Variants in DUS2 observed in about 807,000 individuals in gnomAD.
The protein encoded by DUS2 is dihydrouridine synthase 2, also known as tRNA-dihydrouridine(20) synthase [NAD(P)+]-like.
In DUS2, 52 loss-of-function variants were observed where a neutral mutation model predicts 71.3. The observed-to-expected ratio is 0.73, with a 90% CI of 0.58 to 0.92. The LOEUF is 0.92. Among genes scored for constraint, DUS2 ranks in the 40% least tolerant of loss-of-function variants. The pLI, the probability that DUS2 is intolerant of heterozygous loss-of-function variation, is 0.00. For missense variants in DUS2, 558 were observed against 622.6 expected (o/e 0.90, Z 1.10); for synonymous variants, 204 against 227.8 (o/e 0.90, Z 0.94).
intron 2 of DUS2, among the ~76,000 whole-genome samples, chr16:68,031,740 G>GCTCCAGC (rs1253141887): frequency 6.6e-6 from 1 of 151,994 alleles, no homozygotes; most frequent in Non-Finnish European, 1.5e-5. Context: ...TGTTGCCCAG[G>GCTCCAGC]CTGGAGGGCA....
In DUS2 at chr16:68,056,413, T is replaced by C; in HGVS notation, c.358T>C (p.Tyr120His). 1 of 1,613,444 alleles carries C rather than the reference T, an allele frequency of 6.2e-7. No individual in the cohort carries two copies. Among genetic ancestry groups the C allele is most frequent in the South Asian group, 1.1e-5 (1 of 90,994 alleles). The change falls in exon 7 of 17, where the codon TAT (tyrosine) becomes CAT (histidine). Residue 120 changes from tyrosine (Y) to histidine (H), a missense_variant. Tyr to His is a moderately conservative substitution (Grantham distance 83). Coordinates refer to ENST00000565263, the MANE Select transcript of DUS2 (RefSeq NM_017803.5). ...IDVNMGCPKQYSTKGGMGAAL... is the reference protein window; with the variant it reads ...IDVNMGCPKQHSTKGGMGAAL... ...TGTCAACATGGGCTGTCCAAAACAA[T>C]ATTCCACCAAGGTAAACTGGTTTCT...
chr16:68,050,481 C>T (rs760411990), intron 4 of DUS2, among the ~76,000 whole-genome samples: 5 of 151,962 alleles, frequency 3.3e-5, no homozygotes, highest in Non-Finnish European at 7.4e-5. Flanking sequence ...ATAAAAAATT[C>T]AATATTATAG....
intron 4 of DUS2, 96 bp from the exon 5 acceptor site, chr16:68,053,468 A>G: frequency 8.7e-7 from 1 of 1,148,196 alleles, no homozygotes; most frequent in Non-Finnish European, 1.3e-6. Context: ...TTTCCCCTTG[A>G]AGCTTATACT....
At chr16:68,032,126 A>G (rs1431069568) in intron 2 of DUS2, among the ~76,000 whole-genome samples, 1 of 152,206 alleles carries the variant, frequency 6.6e-6, no homozygotes, top group Non-Finnish European at 1.5e-5. Context: ...TGGTTGTGGC[A>G]GTAACTGGGA....
chr16:68,070,914 C>A (rs759082478), intron 11 of DUS2, 26 bp from the exon 12 acceptor site: 48 of 1,612,834 alleles, frequency 3.0e-5, no homozygotes, highest in Middle Eastern at 1.6e-4. Flanking sequence ...GATGGGGACA[C>A]CCCTAACCCT....
chr16:68,029,582 G>A (rs1229381722), intron 2 of DUS2, among the ~76,000 whole-genome samples: 5 of 151,916 alleles, frequency 3.3e-5, no homozygotes, highest in Non-Finnish European at 2.9e-5. Context: ...AAGTAGGTGG[G>A]ATAACAGGCC....
intron 7 of DUS2, among the ~76,000 whole-genome samples, chr16:68,058,619 A>G (rs2033895103): frequency 6.6e-6 from 1 of 152,172 alleles, no homozygotes. Context: ...GGTATATACC[A>G]TTTATATAAG....
chr16:68,042,382 G>T (rs1257764295), intron 3 of DUS2, among the ~76,000 whole-genome samples: 2 of 152,156 alleles, frequency 1.3e-5, no homozygotes, highest in Non-Finnish European at 2.9e-5. Context: ...TATATATCCG[G>T]AAGTGGGATT....
At chr16:68,029,121 C>T (rs1361548932) in intron 2 of DUS2, among the ~76,000 whole-genome samples, 9 of 151,368 alleles carry the variant, frequency 5.9e-5, no homozygotes, top group Admixed American at 5.9e-4. Flanking sequence ...GGGAGGATCA[C>T]TAGAGCCCAG....
At chr16:68,062,154 G>A (rs2033948639) in intron 8 of DUS2, among the ~76,000 whole-genome samples, 1 of 152,024 alleles carries the variant, frequency 6.6e-6, no homozygotes, top group Non-Finnish European at 1.5e-5. Context: ...GGGATTACAG[G>A]CGCCCACGAC....
chr16:68,038,196 T>C (rs1598302192), intron 3 of DUS2, 47 bp downstream of exon 3: 3 of 1,606,856 alleles, frequency 1.9e-6, no homozygotes, highest in Non-Finnish European at 2.5e-6. Flanking sequence ...AAGTACAGAC[T>C]CCTCTTCATT....
chr16:68,049,675 G>A, intron 4 of DUS2, 125 bp downstream of exon 4: 1 of 865,874 alleles, frequency 1.2e-6, no homozygotes, highest in Non-Finnish European at 1.9e-6. Context: ...TAGATCACAT[G>A]CTCCCTTGAG....
At chr16:68,058,222 T>C (rs924250980) in intron 7 of DUS2, among the ~76,000 whole-genome samples, 10 of 149,016 alleles carry the variant, frequency 6.7e-5, no homozygotes, top group African/African-American at 2.5e-4. Context: ...TTAGGTATCT[T>C]TGGGCTTTTT....
intron 3 of DUS2, among the ~76,000 whole-genome samples, chr16:68,046,336 G>A (rs967737178): frequency 2.0e-5 from 3 of 151,880 alleles, no homozygotes; most frequent in Admixed American, 1.3e-4. Context: ...TTAGGATAAC[G>A]GCTGCCAGCT....
intron 3 of DUS2, among the ~76,000 whole-genome samples, chr16:68,042,857 C>G (rs1035084084): frequency 6.6e-6 from 1 of 151,756 alleles, no homozygotes; most frequent in Admixed American, 6.6e-5. Flanking sequence ...TACAGGCATG[C>G]ACCACTACAC....
Position 68,079,288 on chromosome 16 carries a change from G to A in DUS2, c.*302G>A. 4.1e-6 allele frequency: 1 copy of A among 242,682 alleles called. No individual in the cohort carries two copies. The highest frequency in any genetic ancestry group is 1.6e-4 in the South Asian group (1 of 6,308). 15.0% of individuals were successfully genotyped at this position (242,682 alleles called of 1,614,324 possible). On this transcript the variant is annotated 3_prime_UTR_variant, in exon 17 of 17. Transcript: ENST00000565263. The stretch of plus-strand genomic sequence containing the variant: ...AAGACACCCCCTACCCTCACCCACG[G>A]CTGGCTGCTTCAGCCTTGGGCATCT...
At chr16:68,058,367 G>C (rs1373225581) in intron 7 of DUS2, among the ~76,000 whole-genome samples, 1 of 151,906 alleles carries the variant, frequency 6.6e-6, no homozygotes, top group African/African-American at 2.4e-5. Context: ...TGGGACTACA[G>C]GTGCCCGCCA....
chr16:68,042,097 T>C (rs2033634203), intron 3 of DUS2, among the ~76,000 whole-genome samples: 1 of 152,232 alleles, frequency 6.6e-6, no homozygotes, highest in African/African-American at 2.4e-5. Flanking sequence ...AGATACCTTA[T>C]ATAAGTGGAA....
intron 2 of DUS2, among the ~76,000 whole-genome samples, chr16:68,035,724 T>G (rs1365598279): frequency 1.4e-5 from 2 of 145,730 alleles, no homozygotes; most frequent in African/African-American, 2.6e-5. Flanking sequence ...TTTTTTTGGT[T>G]TTTTTTTTTT....
Sources: gnomAD v4.1 joint callset for allele counts (sites outside exome capture counted in the v4.1 genomes callset) on GRCh38, gnomAD v4.1.1 for gene constraint, MANE v1.5 for transcripts, NCBI Gene and HGNC (gene_info 2026-07-23, HGNC 2026-07-21) for gene names.